ESR1: variants seen among roughly 807,000 people sequenced by gnomAD.
ESR1 encodes the protein estrogen receptor 1.
A neutral mutation model predicts 52.7 loss-of-function variants in ESR1; 12 were observed. That is an observed-to-expected ratio of 0.23 (90% CI 0.15 to 0.37). The LOEUF (loss-of-function observed/expected upper bound fraction) is 0.37, where lower values mean the gene tolerates loss of function less well. Ranked by LOEUF, ESR1 falls within the 10% of genes least tolerant of loss-of-function variation. The pLI, the probability that ESR1 is intolerant of heterozygous loss-of-function variation, is 1.00. For missense variants in ESR1, 584 were observed against 779.7 expected (o/e 0.75, Z 2.99); for synonymous variants, 305 against 316.8 (o/e 0.96, Z 0.39).
intron 2 of ESR1, among the ~76,000 whole-genome samples, chr6:151,770,128 A>G (rs1373192470): frequency 1.3e-5 from 2 of 152,188 alleles, no homozygotes; most frequent in East Asian, 1.9e-4. Flanking sequence ...AGGTGAGTTA[A>G]GAAGGAAATT....
chr6:151,739,410 C>G (rs1347259270), intron 2 of ESR1, among the ~76,000 whole-genome samples: 3 of 152,050 alleles, frequency 2.0e-5, no homozygotes, highest in Admixed American at 6.6e-5. Context: ...TTTCTAGCAC[C>G]AGGTATTTTC....
intron 7 of ESR1, among the ~76,000 whole-genome samples, chr6:152,097,120 G>T (rs1298103755): frequency 6.6e-6 from 1 of 151,882 alleles, no homozygotes; most frequent in African/African-American, 2.4e-5. Flanking sequence ...AGCTGGAGAG[G>T]TTGCTTCTCT....
chr6:151,910,035 T>C (rs1798030834), intron 3 of ESR1, among the ~76,000 whole-genome samples: 1 of 151,658 alleles, frequency 6.6e-6, no homozygotes, highest in Non-Finnish European at 1.5e-5. Context: ...AGGCAGAGAT[T>C]ACATTCAATT....
chr6:152,076,537 G>T (rs939036026), intron 6 of ESR1, among the ~76,000 whole-genome samples: 1 of 152,204 alleles, frequency 6.6e-6, no homozygotes, highest in Admixed American at 6.5e-5. Context: ...ATCAGGGAGA[G>T]GTTGGAGCAG....
intron 6 of ESR1, among the ~76,000 whole-genome samples, chr6:152,073,768 A>C (rs1000326635): frequency 5.3e-5 from 8 of 152,108 alleles, no homozygotes; most frequent in African/African-American, 1.9e-4. Flanking sequence ...CTTATTTACC[A>C]ACTGGCCGAC....
intron 2 of ESR1, among the ~76,000 whole-genome samples, chr6:151,860,407 T>G (rs1317554649): frequency 6.6e-6 from 1 of 152,154 alleles, no homozygotes; most frequent in South Asian, 2.1e-4. Flanking sequence ...CTTTGACCAA[T>G]ACCTCTCTAT....
At chr6:152,072,840 C>T (rs769328608) in intron 6 of ESR1, among the ~76,000 whole-genome samples, 8 of 152,224 alleles carry the variant, frequency 5.3e-5, no homozygotes, top group Non-Finnish European at 1.0e-4. Context: ...CATCTTGACA[C>T]GCAACACATC....
At chr6:152,087,519 A>G (rs1394757687) in intron 6 of ESR1, among the ~76,000 whole-genome samples, 1 of 152,200 alleles carries the variant, frequency 6.6e-6, no homozygotes. Context: ...GTCCACGAAC[A>G]TGTTGATATC....
chr6:151,975,227 C>CT, intron 4 of ESR1, among the ~76,000 whole-genome samples: 1 of 152,302 alleles, frequency 6.6e-6, no homozygotes, highest in Admixed American at 6.5e-5. Flanking sequence ...CATGCATCTC[C>CT]TACAAGGTTG....
At chr6:151,719,877 C>T (rs952175406) in intron 2 of ESR1, among the ~76,000 whole-genome samples, 3 of 152,140 alleles carry the variant, frequency 2.0e-5, no homozygotes, top group African/African-American at 7.2e-5. Context: ...AAGATGCTCA[C>T]GTTAGCAACT....
intron 3 of ESR1, among the ~76,000 whole-genome samples, chr6:151,933,111 G>T (rs1412807203): frequency 6.6e-6 from 1 of 151,922 alleles, no homozygotes; most frequent in African/African-American, 2.4e-5. Flanking sequence ...CCGTTTGTTT[G>T]TATCCTCTTT....
intron 3 of ESR1, among the ~76,000 whole-genome samples, chr6:151,898,292 A>G (rs1409830569): frequency 6.6e-6 from 1 of 151,934 alleles, no homozygotes; most frequent in Non-Finnish European, 1.5e-5. Flanking sequence ...TATGTTTTCC[A>G]AACTTTTAGA....
intron 2 of ESR1, among the ~76,000 whole-genome samples, chr6:151,848,436 A>G (rs1466311304): frequency 7.0e-6 from 1 of 143,478 alleles, no homozygotes; most frequent in Non-Finnish European, 1.5e-5. Flanking sequence ...TATGTAACTA[A>G]CCTGCACAAT....
intron 5 of ESR1, among the ~76,000 whole-genome samples, chr6:152,013,165 T>C (rs1330180251): frequency 6.6e-6 from 1 of 152,182 alleles, no homozygotes; most frequent in African/African-American, 2.4e-5. Context: ...TTTACCGTGT[T>C]CTTTCCTTTC....
At chr6:151,658,914 C>T (rs1777544299) in intron 1 of ESR1, among the ~76,000 whole-genome samples, 1 of 152,156 alleles carries the variant, frequency 6.6e-6, no homozygotes, top group African/African-American at 2.4e-5. Flanking sequence ...TGCATGTGGG[C>T]ATAGATGAGC....
At position 151,776,867 on chromosome 6, in the gene ESR1, A is replaced by T. The variant is rs1427492895; in HGVS notation, c.-70-30976A>T. On this transcript the variant is annotated intron_variant, in intron 2 of 2. Coordinates refer to the ESR1 transcript ENST00000404742. ...AAAAAAAAAAAAGGAAAAGAAAAGA[A>T]AAGAAGAGTGGCCACAGATTGGCTT... Among the ~76,000 whole-genome samples the T allele has an allele frequency of 2.0e-5, 3 of 151,846 alleles. No homozygotes were observed. In the East Asian group the frequency reaches 5.8e-4, roughly 29 times the overall value.
At chr6:151,763,003 G>T (rs1266153051) in intron 2 of ESR1, among the ~76,000 whole-genome samples, 1 of 151,316 alleles carries the variant, frequency 6.6e-6, no homozygotes, top group African/African-American at 2.4e-5. Flanking sequence ...AATATATAAA[G>T]ATGTAATTTT....
chr6:151,861,497 G>A (rs956158944), intron 2 of ESR1, among the ~76,000 whole-genome samples: 1 of 152,120 alleles, frequency 6.6e-6, no homozygotes, highest in African/African-American at 2.4e-5. Context: ...AGGAATCAGA[G>A]TACTTTTCTG....
At chr6:151,944,055 C>T (rs781108967) in intron 3 of ESR1, 118 bp from the exon 4 acceptor site, 1 of 809,750 alleles carries the variant, frequency 1.2e-6, no homozygotes, top group Admixed American at 2.3e-5. Flanking sequence ...ACCAGCTCAC[C>T]TGTGCTTGAA....
Sources: gnomAD v4.1 joint callset for allele counts (sites outside exome capture counted in the v4.1 genomes callset) on GRCh38, gnomAD v4.1.1 for gene constraint, MANE v1.5 for transcripts, NCBI Gene and HGNC (gene_info 2026-07-23, HGNC 2026-07-21) for gene names.